IL15: variants seen among roughly 807,000 people sequenced by gnomAD.
IL15 encodes the protein interleukin-15.
Under a neutral mutation model 19.6 loss-of-function variants are expected in IL15, and 11 were observed. The observed-to-expected ratio is 0.56, with a 90% CI of 0.35 to 0.93. The LOEUF (loss-of-function observed/expected upper bound fraction) is 0.93. IL15 is among the 40% of genes least tolerant of loss of function. The pLI, the probability that IL15 is intolerant of heterozygous loss-of-function variation, is 0.01. For synonymous variants in IL15, 58 were observed against 59.6 expected, an observed-to-expected ratio of 0.97 and a Z score of 0.12; for missense variants, 197 against 186.5, an observed-to-expected ratio of 1.06 and a Z score of -0.33.
chr4:141,703,461 C>T (rs769383592), intron 2 of IL15, among the ~76,000 whole-genome samples: 7 of 152,126 alleles, frequency 4.6e-5, no homozygotes, highest in Non-Finnish European at 7.4e-5. Flanking sequence ...GCACTTCCTG[C>T]GACTGCTTCT....
chr4:141,710,661 T>A (rs1357348002), intron 2 of IL15, among the ~76,000 whole-genome samples: 1 of 152,094 alleles, frequency 6.6e-6, no homozygotes. Context: ...TGCACTTTCT[T>A]TTTTTTCTTC....
rs1198198302 is a variant in IL15 at position 141,675,882 on chromosome 4, A to G, written c.-100+19575A>G. On this transcript the variant is annotated intron_variant, in intron 2 of 7. Transcript: ENST00000320650. ...GCTTTTATGTGGGTACAGGATTGCTATGAGAAAGTCATACCTATAGACCAA... is the reference window on the plus strand; with the variant it reads ...GCTTTTATGTGGGTACAGGATTGCTGTGAGAAAGTCATACCTATAGACCAA... Among the ~76,000 whole-genome samples the G allele has an allele frequency of 5.3e-5, 8 of 152,200 alleles. No homozygotes were observed. The East Asian group carries it at 1.5e-3, about 29-fold the overall frequency.
At chr4:141,684,890 G>A (rs575704471) in intron 2 of IL15, among the ~76,000 whole-genome samples, 4 of 151,762 alleles carry the variant, frequency 2.6e-5, no homozygotes, top group Admixed American at 2.6e-4. Flanking sequence ...AGTATACTGA[G>A]TTTGTAGTTT....
At chr4:141,697,682 C>T (rs758141189) in intron 2 of IL15, among the ~76,000 whole-genome samples, 7 of 152,064 alleles carry the variant, frequency 4.6e-5, no homozygotes, top group Admixed American at 1.3e-4. Context: ...ATCTATATTT[C>T]TTTCAGCAGT....
At chr4:141,719,566 T>TA in intron 3 of IL15, 90 bp downstream of exon 3, 1 of 1,046,852 alleles carries the variant, frequency 9.6e-7, no homozygotes, top group Non-Finnish European at 1.4e-6. Flanking sequence ...TACATGGTTA[T>TA]TCTCCAAAGA....
chr4:141,637,336 CTCT>C lies in IL15; in HGVS notation c.-222+593_-222+595del, dbSNP rs545482866. The C allele has an allele frequency of 5.9e-5, 9 of 152,516 alleles. No individual in the cohort carries two copies. The South Asian group carries it at 8.3e-4, about 14-fold the overall frequency. 9.4% of individuals were successfully genotyped at this position (152,516 alleles called of 1,614,324 possible). On this transcript the variant is annotated intron_variant, in intron 1 of 7. Coordinates refer to ENST00000320650, the MANE Select transcript of IL15 (RefSeq NM_000585.5). ...ACCTTTGCAAAATCAAATTATCGCC[CTCT>C]TCTTTGCTTGCACACGTCTTCTGGG... is the stretch of plus-strand genomic sequence containing the variant.
chr4:141,670,367 A>G (rs747474320), intron 2 of IL15, among the ~76,000 whole-genome samples: 1 of 152,180 alleles, frequency 6.6e-6, no homozygotes. Context: ...AAAGGGGGTT[A>G]TAGCCTTTCA....
At chr4:141,671,974 G>A (rs576061847) in intron 2 of IL15, among the ~76,000 whole-genome samples, 2 of 152,196 alleles carry the variant, frequency 1.3e-5, no homozygotes, top group African/African-American at 4.8e-5. Context: ...TTTCCCATTT[G>A]GTAAAGTATA....
In IL15 at chr4:141,733,777, A is replaced by G. The variant is rs1358556070; in HGVS notation, c.*929A>G. ...AGTGTTCATATTTCATGCTTTCCCA[A>G]ATACAGGTATTTTATTTTCACATTC... On this transcript the variant is annotated 3_prime_UTR_variant, in exon 8 of 8. Transcript: ENST00000320650. The G allele has an allele frequency of 6.6e-6, 1 of 152,192 alleles. No homozygotes were observed. Among genetic ancestry groups the G allele is most frequent in the African/African-American group, 2.4e-5 (1 of 41,460 alleles). The allele number at this position is 152,192 out of a possible 1,614,324, so 9.4% of individuals were successfully genotyped here.
chr4:141,709,856 A>G (rs1049511766), intron 2 of IL15, among the ~76,000 whole-genome samples: 5 of 151,998 alleles, frequency 3.3e-5, no homozygotes, highest in Non-Finnish European at 5.9e-5. Flanking sequence ...TGGTGTATGA[A>G]TGATGCCATC....
intron 1 of IL15, among the ~76,000 whole-genome samples, chr4:141,644,335 A>G (rs1233794961): frequency 4.6e-5 from 7 of 152,058 alleles, no homozygotes; most frequent in Non-Finnish European, 8.8e-5. Flanking sequence ...GAATAACAAT[A>G]ATTTGTTATT....
At position 141,662,730 on chromosome 4, in the gene IL15, C is replaced by A. The variant is rs117409067; in HGVS notation, c.-100+6423C>A. 3.2e-4 allele frequency among the ~76,000 whole-genome samples: 49 copies of A among 152,092 alleles called. 1 individual carries two copies. In the East Asian group the frequency reaches 8.9e-3, roughly 28 times the overall value. ...CAACCTATTTTTTTTCTGTTTGACT[C>A]AGTTTTTATGTAGCTTTTTCTTCCT... On this transcript the variant is annotated intron_variant, in intron 2 of 7. Transcript: ENST00000320650.
chr4:141,727,350 G>T (rs1260313857), intron 5 of IL15, among the ~76,000 whole-genome samples: 1 of 152,126 alleles, frequency 6.6e-6, no homozygotes, highest in East Asian at 1.9e-4. Context: ...TCATAAAAAT[G>T]TCTATCAATT....
In IL15 at chr4:141,721,796, C is replaced by T. The variant is rs80036447; in HGVS notation, c.111-128C>T. On this transcript the variant is annotated intron_variant, in intron 4 of 7. Transcript: ENST00000320650. Reference sequence around the variant, plus strand: ...TTCAGTTACAAGGCTGTTGAATGCACAGAAGCAAGGATAACACTGATTTTT... The same window carrying T: ...TTCAGTTACAAGGCTGTTGAATGCATAGAAGCAAGGATAACACTGATTTTT... The T allele has an allele frequency of 7.2e-4, 588 of 814,680 alleles. 1 individual carries two copies. The highest frequency in any genetic ancestry group is 4.9e-3 in the African/African-American group (287 of 58,400). 50.5% of individuals were successfully genotyped at this position (814,680 alleles called of 1,614,324 possible).
chr4:141,715,487 C>T (rs1729852531), intron 2 of IL15: 1 of 152,276 alleles, frequency 6.6e-6, no homozygotes, highest in African/African-American at 2.4e-5. Context: ...GATAATTTTT[C>T]ACTCTCTAAT....
intron 2 of IL15, among the ~76,000 whole-genome samples, chr4:141,713,392 T>C (rs191213456): frequency 6.6e-6 from 1 of 152,324 alleles, no homozygotes; most frequent in East Asian, 1.9e-4. Context: ...TTTTTATAAA[T>C]AAAGTTGTAT....
intron 2 of IL15, among the ~76,000 whole-genome samples, chr4:141,694,616 T>G (rs2152178924): frequency 6.6e-6 from 1 of 152,330 alleles, no homozygotes; most frequent in South Asian, 2.1e-4. Context: ...TTAGACCGTC[T>G]TTTTCCTCCT....
At chr4:141,675,533 C>T (rs2152169728) in intron 2 of IL15, among the ~76,000 whole-genome samples, 2 of 152,292 alleles carry the variant, frequency 1.3e-5, no homozygotes, top group Middle Eastern at 6.8e-3. Flanking sequence ...AAAAAGTGAT[C>T]TCTTGCAGTT....
At chr4:141,645,268 T>C (rs1727189224) in intron 1 of IL15, among the ~76,000 whole-genome samples, 1 of 152,148 alleles carries the variant, frequency 6.6e-6, no homozygotes, top group African/African-American at 2.4e-5. Flanking sequence ...CCTTACCATT[T>C]TTAGAAGCCT....
Sources: allele counts gnomAD v4.1 joint callset (sites outside exome capture counted in the v4.1 genomes callset), GRCh38; gene constraint gnomAD v4.1.1; transcripts MANE v1.5; gene names NCBI Gene and HGNC (gene_info 2026-07-23, HGNC 2026-07-21).